GLIS3: variants seen among roughly 807,000 people sequenced by gnomAD.
The protein encoded by GLIS3 is zinc finger protein GLIS3.
In GLIS3, 53 loss-of-function variants were observed where a neutral mutation model predicts 78.6. The ratio of observed to expected loss-of-function variants is 0.67; its 90% CI spans 0.54 to 0.85. The LOEUF (loss-of-function observed/expected upper bound fraction) is 0.85, where lower values mean the gene tolerates loss of function less well. Among genes scored for constraint, GLIS3 ranks in the 40% least tolerant of loss-of-function variants. GLIS3 has a pLI of 0.00. For missense variants in GLIS3, 1,703 were observed against 1,231.1 expected (o/e 1.38, Z -5.74); for synonymous variants, 684 against 509.9 (o/e 1.34, Z -4.60).
intron 2 of GLIS3, among the ~76,000 whole-genome samples, chr9:4,162,029 C>T (rs1835519864): frequency 6.6e-6 from 1 of 152,074 alleles, no homozygotes; most frequent in South Asian, 2.1e-4. Flanking sequence ...GGGCCAGGCT[C>T]TCTCTGTAGC....
the GLIS3 span, among the ~76,000 whole-genome samples, chr9:4,478,162 G>C: frequency 6.6e-6 from 1 of 152,112 alleles, no homozygotes. Context: ...GAAACAAGTG[G>C]TTGTTTAAAA....
chr9:4,487,952 A>C, the GLIS3 span, among the ~76,000 whole-genome samples: 16 of 152,240 alleles, frequency 1.1e-4, no homozygotes, highest in Admixed American at 9.2e-4. Context: ...TCAGCCTCCC[A>C]AACTGCTGGG....
intron 4 of GLIS3, among the ~76,000 whole-genome samples, chr9:3,974,255 T>A (rs999208027): frequency 9.2e-5 from 14 of 152,112 alleles, no homozygotes; most frequent in African/African-American, 3.4e-4. Context: ...TCTACTGCAA[T>A]CAACAAATTC....
At chr9:4,419,352 G>A in the GLIS3 span, among the ~76,000 whole-genome samples, 1 of 152,088 alleles carries the variant, frequency 6.6e-6, no homozygotes, top group Admixed American at 6.6e-5. Flanking sequence ...AGGTTTAATT[G>A]GCTCACCGTT....
At chr9:4,476,319 G>C in the GLIS3 span, among the ~76,000 whole-genome samples, 358 of 152,168 alleles carry the variant, frequency 2.4e-3, 2 homozygotes, top group African/African-American at 8.4e-3. Flanking sequence ...GGGACCATGA[G>C]AACCACAGAG....
At chr9:4,357,227 G>A in the GLIS3 span, among the ~76,000 whole-genome samples, 10 of 152,322 alleles carry the variant, frequency 6.6e-5, no homozygotes, top group Middle Eastern at 3.4e-3. Context: ...TATTCTGGTT[G>A]TGTCTGTGAA....
chr9:4,236,308 G>A (rs1336352433), intron 2 of GLIS3, among the ~76,000 whole-genome samples: 1 of 151,728 alleles, frequency 6.6e-6, no homozygotes, highest in East Asian at 1.9e-4. Context: ...CCCTAAACAT[G>A]TTTGTGGTTT....
rs1321602510 is a variant in GLIS3 at position 4,168,311 on chromosome 9, G to A, written c.389-42370C>T. Among the ~76,000 whole-genome samples, 3 of 152,096 alleles carry A rather than the reference G, an allele frequency of 2.0e-5. No homozygotes were observed. In the South Asian group the frequency reaches 6.2e-4, roughly 32 times the overall value. ...GTTTTTTTCCTAATTATACATATAAGACAAGTCATGTCTTTAAGATATTTT... is the reference window on the plus strand; with the variant it reads ...GTTTTTTTCCTAATTATACATATAAAACAAGTCATGTCTTTAAGATATTTT... On this transcript the variant is annotated intron_variant, in intron 2 of 10. Coordinates refer to ENST00000381971, the MANE Select transcript of GLIS3 (RefSeq NM_001042413.2).
intron 2 of GLIS3, among the ~76,000 whole-genome samples, chr9:4,194,300 T>C (rs1329898572): frequency 6.6e-6 from 1 of 152,156 alleles, no homozygotes; most frequent in Non-Finnish European, 1.5e-5. Flanking sequence ...GCTCAGGCAA[T>C]CTGCCCACTT....
At chr9:3,980,615 T>C (rs1228723675) in intron 4 of GLIS3, among the ~76,000 whole-genome samples, 1 of 152,248 alleles carries the variant, frequency 6.6e-6, no homozygotes, top group African/African-American at 2.4e-5. Flanking sequence ...TCATTGATTG[T>C]GCCTCTGTAT....
the GLIS3 span, among the ~76,000 whole-genome samples, chr9:4,466,127 T>C: frequency 6.6e-6 from 1 of 152,264 alleles, no homozygotes; most frequent in Admixed American, 6.5e-5. Context: ...AGAAAAGGCA[T>C]CAGTGCAGAT....
the GLIS3 span, among the ~76,000 whole-genome samples, chr9:4,381,385 G>T: frequency 1.3e-5 from 2 of 152,052 alleles, no homozygotes; most frequent in African/African-American, 4.8e-5. Context: ...AGTTAAAGAG[G>T]GCTCTATGAC....
chr9:4,292,997 GCTT>G lies in GLIS3; in HGVS notation c.-99+6421_-99+6423del, dbSNP rs1383037637. Among the ~76,000 whole-genome samples, 21 of 152,268 alleles carry G rather than the reference GCTT, an allele frequency of 1.4e-4. No individual in the cohort carries two copies. In the East Asian group the frequency reaches 3.7e-3, roughly 27 times the overall value. ...CATGGCCAGGGTTTGAGACACAAAGGCTTCTTCTTCAGAAGTATAGAAGTAAAA... is the reference window on the plus strand; with the variant it reads ...CATGGCCAGGGTTTGAGACACAAAGGCTTCTTCAGAAGTATAGAAGTAAAA... On this transcript the variant is annotated intron_variant, in intron 1 of 10. Coordinates refer to ENST00000381971, the MANE Select transcript of GLIS3 (RefSeq NM_001042413.2).
intron 2 of GLIS3, among the ~76,000 whole-genome samples, chr9:4,314,499 T>G (rs1264054461): frequency 6.6e-6 from 1 of 152,260 alleles, no homozygotes; most frequent in Non-Finnish European, 1.5e-5. Flanking sequence ...TAAGGCAGTC[T>G]AGAACTTTGA....
chr9:4,458,996 G>C, the GLIS3 span, among the ~76,000 whole-genome samples: 2 of 152,118 alleles, frequency 1.3e-5, no homozygotes, highest in East Asian at 1.9e-4. Context: ...ATGGATCCAA[G>C]ATTGTCATTA....
rs372969422 is a variant in GLIS3 at position 4,118,275 on chromosome 9, G to A, written c.1203C>T (p.Gly401=). Residue 401 remains glycine (G), a synonymous_variant, in exon 4 of 11, where the codon GGC becomes GGT. Transcript: ENST00000381971. The surrounding 1 kb of genome is among the most constrained non-coding windows in gnomAD (Gnocchi z 4.7). Reference sequence around the variant, plus strand: ...GGTTGACCAGGCCTGGCTGCAGGCCGCCGTGCTCCAGCTGTTGCATGCGCT... The same window carrying A: ...GGTTGACCAGGCCTGGCTGCAGGCCACCGTGCTCCAGCTGTTGCATGCGCT... ...EHERMQQLEH[G]GLQPGLVNHM... is the part of the protein sequence containing the mutation. 14 of 1,585,160 alleles carry A rather than the reference G, an allele frequency of 8.8e-6. No homozygotes were observed. Among genetic ancestry groups the A allele is most frequent in the African/African-American group, 4.0e-5 (3 of 74,514 alleles).
intron 6 of GLIS3, among the ~76,000 whole-genome samples, chr9:3,920,202 T>A (rs952839924): frequency 5.3e-5 from 8 of 151,986 alleles, no homozygotes; most frequent in South Asian, 2.1e-4. Flanking sequence ...ACGGGGTTTC[T>A]CCGTGTTAGC....
chr9:3,931,084 G>T (rs1825580468), intron 6 of GLIS3, among the ~76,000 whole-genome samples: 1 of 151,924 alleles, frequency 6.6e-6, no homozygotes, highest in South Asian at 2.1e-4. Flanking sequence ...TCAATTTACT[G>T]GGATTCCAAT....
chr9:4,441,786 T>C, the GLIS3 span, among the ~76,000 whole-genome samples: 1 of 152,160 alleles, frequency 6.6e-6, no homozygotes, highest in Admixed American at 6.5e-5. Context: ...TTTGTATTTT[T>C]TGTAGAGACG....
Sources: allele counts gnomAD v4.1 joint callset (sites outside exome capture counted in the v4.1 genomes callset), GRCh38; gene constraint gnomAD v4.1.1; non-coding constraint Gnocchi (gnomAD v3.1); transcripts MANE v1.5; gene names NCBI Gene and HGNC (gene_info 2026-07-23, HGNC 2026-07-21).